IGSF10: variants seen among roughly 807,000 people sequenced by gnomAD.
The protein encoded by IGSF10 is immunoglobulin superfamily member 10.
A neutral mutation model predicts 128.2 loss-of-function variants in IGSF10; 126 were observed. The ratio of observed to expected loss-of-function variants is 0.98; its 90% CI spans 0.85 to 1.14. IGSF10 has a LOEUF of 1.14. IGSF10 is among the 50% of genes most tolerant of loss of function. IGSF10 has a pLI of 0.00. For missense variants in IGSF10, 3,295 were observed against 3,149.8 expected, an observed-to-expected ratio of 1.05 and a Z score of -1.10; for synonymous variants, 1,185 against 1,146.2, an observed-to-expected ratio of 1.03 and a Z score of -0.68.
chr3:151,546,071 T>C, the IGSF10 span, among the ~76,000 whole-genome samples: 1 of 151,282 alleles, frequency 6.6e-6, no homozygotes. Context: ...AGCATAATTG[T>C]TACCTAGCTC....
chr3:151,617,210 CT>C, the IGSF10 span, among the ~76,000 whole-genome samples: 1 of 146,340 alleles, frequency 6.8e-6, no homozygotes, highest in Non-Finnish European at 1.5e-5. Flanking sequence ...CCTCCTCCTC[CT>C]CCTCTTCTTC....
chr3:151,569,320 C>T, the IGSF10 span, among the ~76,000 whole-genome samples: 1 of 152,220 alleles, frequency 6.6e-6, no homozygotes, highest in Non-Finnish European at 1.5e-5. Context: ...GATCCACCCA[C>T]CTCAGCCTTC....
the IGSF10 span, among the ~76,000 whole-genome samples, chr3:151,564,987 CAG>C: frequency 6.6e-6 from 1 of 152,158 alleles, no homozygotes; most frequent in African/African-American, 2.4e-5. Context: ...AAAACTGAGA[CAG>C]AGGCAAGCTA....
At chr3:151,530,751 T>G in the IGSF10 span, among the ~76,000 whole-genome samples, 1 of 152,166 alleles carries the variant, frequency 6.6e-6, no homozygotes, top group African/African-American at 2.4e-5. Context: ...TACTAGCCAC[T>G]TCAAAAACAT....
chr3:151,476,305 T>C, the IGSF10 span: 73,247 of 152,396 alleles, frequency 0.48, 18,096 homozygotes, highest in African/African-American at 0.59. Flanking sequence ...GTTTGAACCC[T>C]GAGAGTGTGC....
chr3:151,497,665 T>C, the IGSF10 span, among the ~76,000 whole-genome samples: 3 of 152,188 alleles, frequency 2.0e-5, no homozygotes, highest in Admixed American at 6.5e-5. Flanking sequence ...GTGGGTTCTT[T>C]TTTGGTTCCA....
chr3:151,445,828 A>C lies in IGSF10; in HGVS notation c.4153T>G (p.Ser1385Ala). The C allele has an allele frequency of 6.2e-7, 1 of 1,614,154 alleles. No homozygotes were observed. Among genetic ancestry groups the C allele is most frequent in the Non-Finnish European group, 8.5e-7 (1 of 1,180,032 alleles). The part of the protein sequence containing the change: ...TPPVLTTAET[S>A]VKPSVSAFTH... The stretch of plus-strand genomic sequence containing the variant: ...AATGCAGAGACACTGGGCTTGACTG[A>C]AGTTTCGGCTGTGGTTAGAACAGGA... The change falls in exon 6 of 8, where the codon TCA (serine) becomes GCA (alanine). Residue 1385 changes from serine to alanine, a missense_variant. Coordinates refer to ENST00000282466, the MANE Select transcript of IGSF10 (RefSeq NM_178822.5).
the IGSF10 span, among the ~76,000 whole-genome samples, chr3:151,526,952 T>G: frequency 6.6e-6 from 1 of 152,198 alleles, no homozygotes; most frequent in South Asian, 2.1e-4. Context: ...GAAGTTCATG[T>G]AGCTCCAGCG....
the IGSF10 span, among the ~76,000 whole-genome samples, chr3:151,496,601 C>A: frequency 8.1e-6 from 1 of 123,600 alleles, no homozygotes; most frequent in Admixed American, 8.8e-5. Flanking sequence ...GGCTTGGTTC[C>A]AAGTCTTTGC....
chr3:151,545,662 C>A, the IGSF10 span, among the ~76,000 whole-genome samples: 2 of 152,186 alleles, frequency 1.3e-5, no homozygotes, highest in East Asian at 3.8e-4. Flanking sequence ...CAAGAACCGG[C>A]CTTCCATCTG....
chr3:151,614,051 G>C, the IGSF10 span, among the ~76,000 whole-genome samples: 13 of 152,160 alleles, frequency 8.5e-5, no homozygotes, highest in Admixed American at 5.2e-4. Flanking sequence ...ATTTATGCAG[G>C]CAAAAAACAC....
the IGSF10 span, among the ~76,000 whole-genome samples, chr3:151,576,756 TC>T: frequency 6.6e-6 from 1 of 152,182 alleles, no homozygotes; most frequent in African/African-American, 2.4e-5. Flanking sequence ...AATGCCATGC[TC>T]ATGTGGGAAG....
At chr3:151,601,501 A>C in the IGSF10 span, among the ~76,000 whole-genome samples, 1 of 152,220 alleles carries the variant, frequency 6.6e-6, no homozygotes, top group Non-Finnish European at 1.5e-5. Flanking sequence ...AAACACACTT[A>C]ACAAATAAGA....
the IGSF10 span, among the ~76,000 whole-genome samples, chr3:151,490,368 T>C: frequency 1.3e-5 from 2 of 152,256 alleles, no homozygotes; most frequent in East Asian, 3.9e-4. Context: ...TTGTAGAACC[T>C]AAATGTATAA....
At chr3:151,517,368 C>G in the IGSF10 span, among the ~76,000 whole-genome samples, 2 of 151,890 alleles carry the variant, frequency 1.3e-5, no homozygotes, top group Admixed American at 1.3e-4. Context: ...GATTTTAGGT[C>G]GTTTGGTTTA....
chr3:151,496,202 G>C, the IGSF10 span, among the ~76,000 whole-genome samples: 1 of 112,266 alleles, frequency 8.9e-6, no homozygotes, highest in Non-Finnish European at 1.8e-5. Flanking sequence ...CTCTGAAGCA[G>C]TATTTTTTTT....
chr3:151,449,109 T>C lies in IGSF10; in HGVS notation c.872A>G (p.Lys291Arg), dbSNP rs745320593. The C allele has an allele frequency of 1.9e-5, 30 of 1,614,090 alleles. No individual in the cohort carries two copies. The highest frequency in any genetic ancestry group is 8.5e-7 in the Non-Finnish European group (1 of 1,180,044). The change falls in exon 6 of 8, where the codon AAG becomes AGG. Residue 291 changes from lysine to arginine, a missense_variant. Transcript: ENST00000282466. The stretch of plus-strand genomic sequence containing the variant: ...ACTGTCTTCCAGAATAGTCAGGCTC[T>C]TTGATTTCAGGGATGAGTCAATGGT... The part of the protein sequence containing the change: ...KPTIDSSLKS[K>R]SLTILEDSSS...
chr3:151,447,326 T>C lies in IGSF10; in HGVS notation c.2655A>G (p.Thr885=), dbSNP rs756135307. The C allele has an allele frequency of 1.2e-6, 2 of 1,614,228 alleles. No individual in the cohort carries two copies. Among genetic ancestry groups the C allele is most frequent in the East Asian group, 2.2e-5 (1 of 44,880 alleles). Residue 885 remains threonine (T), a synonymous_variant, in exon 6 of 8, where the codon ACA becomes ACG. Transcript: ENST00000282466. ...NPTMSSQIQG[T]TNQHSSTVFP... ...AGACAGTGGATGAATGTTGATTGGT[T>C]GTGCCTTGTATTTGGCTTGACATGG...
At chr3:151,459,686 A>G (rs1721961653) in intron 2 of IGSF10, among the ~76,000 whole-genome samples, 1 of 152,220 alleles carries the variant, frequency 6.6e-6, no homozygotes, top group African/African-American at 2.4e-5. Flanking sequence ...AAAAAATGGT[A>G]TCTGTTACCC....
Sources: gnomAD v4.1 joint callset for allele counts (sites outside exome capture counted in the v4.1 genomes callset) on GRCh38, gnomAD v4.1.1 for gene constraint, MANE v1.5 for transcripts, NCBI Gene and HGNC (gene_info 2026-07-23, HGNC 2026-07-21) for gene names.